NAA15: variants seen among roughly 807,000 people sequenced by gnomAD.
NAA15 encodes N-terminal acetyltransferase.
Under a neutral mutation model 114.0 loss-of-function variants are expected in NAA15, and 34 were observed. That is an observed-to-expected ratio of 0.30 (90% CI 0.23 to 0.40). The LOEUF (loss-of-function observed/expected upper bound fraction) is 0.40, where lower values mean the gene tolerates loss of function less well. NAA15 is among the 10% of genes least tolerant of loss of function. The probability of loss-of-function intolerance (pLI) is 1.00; values close to 1 mark genes in which losing one functional copy is unlikely to be tolerated. For synonymous variants in NAA15, 340 were observed against 338.0 expected, an observed-to-expected ratio of 1.01 and a Z score of -0.06; for missense variants, 658 against 1,004.5, an observed-to-expected ratio of 0.66 and a Z score of 4.66.
Position 139,389,358 on chromosome 4 carries a change from C to T in NAA15, c.*1274C>T, listed in dbSNP as rs1188303653. 6.6e-6 allele frequency: 1 copy of T among 152,556 alleles called. No homozygotes were observed. Among genetic ancestry groups the T allele is most frequent in the African/African-American group, 2.4e-5 (1 of 41,410 alleles). 9.5% of individuals were successfully genotyped at this position (152,556 alleles called of 1,614,324 possible). A position where few individuals can be genotyped will look rare whatever the true frequency, so the allele number is the denominator to read the frequency against. ...ATTTCAACTAATCTGTGTTGGGCTT[C>T]TGTGAAATACACAGGTGGAAACAGA... On this transcript the variant is annotated 3_prime_UTR_variant, in exon 20 of 20. Transcript: ENST00000296543.
chr4:139,372,909 C>T (rs1185300504), intron 15 of NAA15, among the ~76,000 whole-genome samples: 1 of 151,960 alleles, frequency 6.6e-6, no homozygotes, highest in Admixed American at 6.6e-5. Flanking sequence ...TCTTTTGAGA[C>T]AGGGTCTTGC....
chr4:139,337,440 C>T (rs1747236298), intron 3 of NAA15, among the ~76,000 whole-genome samples: 1 of 152,180 alleles, frequency 6.6e-6, no homozygotes, highest in Admixed American at 6.5e-5. Flanking sequence ...TCTGTGTGAT[C>T]TTAGAGCTCA....
chr4:139,342,562 G>A (rs1365950015), intron 4 of NAA15, among the ~76,000 whole-genome samples: 2 of 140,936 alleles, frequency 1.4e-5, no homozygotes, highest in Non-Finnish European at 3.0e-5. Context: ...TGATTCTCCC[G>A]CCTCAGCCTC....
intron 17 of NAA15, among the ~76,000 whole-genome samples, chr4:139,383,023 C>G (rs1282133421): frequency 6.6e-6 from 1 of 152,090 alleles, no homozygotes; most frequent in Non-Finnish European, 1.5e-5. Context: ...AGTAAGTGTT[C>G]TGTGAAACTT....
At chr4:139,309,577 T>C (rs888046651) in intron 1 of NAA15, among the ~76,000 whole-genome samples, 3 of 151,990 alleles carry the variant, frequency 2.0e-5, no homozygotes, top group African/African-American at 7.3e-5. Flanking sequence ...GCCTGGCCTG[T>C]TTGCTTACTT....
At chr4:139,377,108 C>T (rs1007323520) in intron 16 of NAA15, among the ~76,000 whole-genome samples, 17 of 151,900 alleles carry the variant, frequency 1.1e-4, no homozygotes, top group African/African-American at 3.1e-4. Flanking sequence ...AAAAAGAGTT[C>T]GTCACAAAGG....
chr4:139,375,909 G>A (rs1437415335), intron 15 of NAA15, among the ~76,000 whole-genome samples: 1 of 150,904 alleles, frequency 6.6e-6, no homozygotes, highest in Non-Finnish European at 1.5e-5. Context: ...AGAATTTATA[G>A]AACAAAGCAA....
chr4:139,322,321 A>G (rs781384546), intron 1 of NAA15, among the ~76,000 whole-genome samples: 9 of 152,232 alleles, frequency 5.9e-5, no homozygotes, highest in Admixed American at 2.6e-4. Context: ...TTGCTGCTAT[A>G]TAAGGCATGC....
intron 3 of NAA15, among the ~76,000 whole-genome samples, chr4:139,338,647 C>T (rs1331402050): frequency 6.6e-6 from 1 of 152,154 alleles, no homozygotes; most frequent in African/African-American, 2.4e-5. Flanking sequence ...AGGGTTTCAT[C>T]ATGTTGGCCA....
At chr4:139,312,852 A>T (rs199630944) in intron 1 of NAA15, among the ~76,000 whole-genome samples, 1 of 148,866 alleles carries the variant, frequency 6.7e-6, no homozygotes, top group Non-Finnish European at 1.5e-5. Flanking sequence ...TCTGGGGGGG[A>T]AAAAAAAAGT....
rs780635807 is a variant in NAA15 at position 139,357,534 on chromosome 4, C to T, written c.1236C>T (p.Leu412=). The change falls in exon 11 of 20, where the codon CTC becomes CTT. Residue 412 remains leucine, a synonymous_variant. Coordinates refer to ENST00000296543, the MANE Select transcript of NAA15 (RefSeq NM_057175.5). ...ESTPTLIELF[L]VKAKIYKHAG... ...CACCTACATTAATAGAACTCTTTCT[C>T]GTGAAAGCTAAAATCTATAAGGTAA... The T allele has an allele frequency of 1.6e-5, 25 of 1,606,122 alleles. No individual in the cohort carries two copies. Among genetic ancestry groups the T allele is most frequent in the Middle Eastern group, 3.3e-4 (2 of 6,044 alleles).
intron 15 of NAA15, among the ~76,000 whole-genome samples, chr4:139,371,872 G>C (rs1748449542): frequency 6.6e-6 from 1 of 151,952 alleles, no homozygotes; most frequent in African/African-American, 2.4e-5. Context: ...TTTCCTTAAT[G>C]ACATTTTTCA....
chr4:139,381,803 A>G (rs1021197053), intron 17 of NAA15, among the ~76,000 whole-genome samples: 1 of 152,152 alleles, frequency 6.6e-6, no homozygotes, highest in Non-Finnish European at 1.5e-5. Context: ...GTGCTTGCTT[A>G]ATTTATTCAT....
chr4:139,347,563 G>A (rs1466409962), intron 6 of NAA15, among the ~76,000 whole-genome samples: 3 of 152,166 alleles, frequency 2.0e-5, no homozygotes, highest in African/African-American at 4.8e-5. Flanking sequence ...GATTGCTTAC[G>A]CCCAAGTGGT....
rs539120444 is a variant in NAA15, at chr4:139,362,322, C to T, written c.1753+385C>T. On this transcript the variant is annotated intron_variant, in intron 14 of 19. Transcript: ENST00000296543. ...TTGAGATGGAGTCTCGCTCTGTTTC[C>T]CATGCTGGAGTGCAGTGCATGATCT... Among the ~76,000 whole-genome samples, 8 of 152,194 alleles carry T rather than the reference C, an allele frequency of 5.3e-5. No individual in the cohort carries two copies. The East Asian group carries it at 1.4e-3, about 26-fold the overall frequency.
chr4:139,307,007 T>C lies in NAA15; in HGVS notation c.54+5176T>C, dbSNP rs561584818. Among the ~76,000 whole-genome samples the C allele has an allele frequency of 2.6e-5, 4 of 152,354 alleles. No individual in the cohort carries two copies. The East Asian group carries it at 5.8e-4, about 22-fold the overall frequency. ...CATCAATAAATGTAGTTTTGGACTT[T>C]AGCCTGAATGATTTAAATTGTTAGT... On this transcript the variant is annotated intron_variant, in intron 1 of 19. Transcript: ENST00000296543.
rs187028644 is a variant in NAA15, at chr4:139,355,968, G to A, written c.1088-1418G>A. On this transcript the variant is annotated intron_variant, in intron 10 of 19. Coordinates refer to ENST00000296543, the MANE Select transcript of NAA15 (RefSeq NM_057175.5). ...CAATGTTTCAGTTTACATAGGAAAA[G>A]CATGATAAATGGATTTTTTCTCCCC... 4.2e-3 allele frequency among the ~76,000 whole-genome samples: 635 copies of A among 152,244 alleles called. 3 individuals carry two copies. Among genetic ancestry groups the A allele is most frequent in the Non-Finnish European group, 6.6e-3 (451 of 67,996 alleles).
intron 9 of NAA15, among the ~76,000 whole-genome samples, chr4:139,352,360 C>T (rs546260340): frequency 1.5e-3 from 224 of 152,162 alleles, no homozygotes; most frequent in African/African-American, 5.2e-3. Flanking sequence ...CCGCCCACCT[C>T]GGCCTCCCAA....
rs193198709 is a variant in NAA15 at position 139,332,383 on chromosome 4, C to G, written c.55-1791C>G. The stretch of plus-strand genomic sequence containing the variant: ...TGACCTCGTGATCTGCCCGCCTCGG[C>G]CTCCAAAAGTGCTGGGATTACAGAT... On this transcript the variant is annotated intron_variant, in intron 1 of 19. Coordinates refer to ENST00000296543, the MANE Select transcript of NAA15 (RefSeq NM_057175.5). Among the ~76,000 whole-genome samples the G allele has an allele frequency of 3.7e-3, 564 of 151,824 alleles. 4 individuals are homozygous for G. Among genetic ancestry groups the G allele is most frequent in the African/African-American group, 0.013 (552 of 41,370 alleles).
Sources: allele counts gnomAD v4.1 joint callset (sites outside exome capture counted in the v4.1 genomes callset), GRCh38; gene constraint gnomAD v4.1.1; transcripts MANE v1.5; gene names NCBI Gene and HGNC (gene_info 2026-07-23, HGNC 2026-07-21).